ERBB4: variants seen among roughly 807,000 people sequenced by gnomAD.
The protein encoded by ERBB4 is erb-b2 receptor tyrosine kinase 4, also known as receptor tyrosine-protein kinase erbB-4.
ERBB4 carries 42 observed loss-of-function variants against 158.0 expected under a neutral mutation model. The observed-to-expected ratio is 0.27, with a 90% CI of 0.21 to 0.34. The LOEUF (loss-of-function observed/expected upper bound fraction) is 0.34. Among genes scored for constraint, ERBB4 ranks in the 10% least tolerant of loss-of-function variants. The probability of loss-of-function intolerance (pLI) is 1.00; values close to 1 mark genes in which losing one functional copy is unlikely to be tolerated. For missense variants in ERBB4, 1,333 were observed against 1,624.1 expected (o/e 0.82, Z 3.08); for synonymous variants, 583 against 558.7 (o/e 1.04, Z -0.61).
At chr2:212,518,145 C>T (rs1310377136) in intron 1 of ERBB4, among the ~76,000 whole-genome samples, 1 of 151,932 alleles carries the variant, frequency 6.6e-6, no homozygotes. Flanking sequence ...TTTAATTTGA[C>T]CATAAATCAG....
At chr2:212,277,418 C>A (rs566714695) in intron 1 of ERBB4, among the ~76,000 whole-genome samples, 1 of 151,838 alleles carries the variant, frequency 6.6e-6, no homozygotes, top group Admixed American at 6.6e-5. Context: ...CACGATTTCA[C>A]CCCCGAATAA....
At chr2:211,868,713 T>G (rs2078269649) in intron 3 of ERBB4, among the ~76,000 whole-genome samples, 1 of 152,204 alleles carries the variant, frequency 6.6e-6, no homozygotes, top group South Asian at 2.1e-4. Flanking sequence ...TATACCCTGC[T>G]GCTCTATGTT....
intron 1 of ERBB4, among the ~76,000 whole-genome samples, chr2:212,396,969 C>T (rs565895955): frequency 1.3e-5 from 2 of 152,084 alleles, no homozygotes; most frequent in Non-Finnish European, 2.9e-5. Flanking sequence ...TTTCAAAGAA[C>T]AATAAATGTA....
At chr2:211,385,897 T>G (rs2062674699) in intron 27 of ERBB4, among the ~76,000 whole-genome samples, 3 of 152,196 alleles carry the variant, frequency 2.0e-5, no homozygotes, top group Admixed American at 6.5e-5. Context: ...TAGGCTACTA[T>G]GAGCATCCAA....
chr2:212,219,450 TA>T (rs1388996475), intron 1 of ERBB4, among the ~76,000 whole-genome samples: 2 of 151,352 alleles, frequency 1.3e-5, no homozygotes, highest in African/African-American at 4.8e-5. Context: ...TATTATTTAA[TA>T]AAAAATAATA....
chr2:211,522,465 G>A (rs957486963), intron 20 of ERBB4, among the ~76,000 whole-genome samples: 1 of 152,152 alleles, frequency 6.6e-6, no homozygotes, highest in African/African-American at 2.4e-5. Flanking sequence ...TCTTAAGACA[G>A]AATCTACTCA....
intron 3 of ERBB4, among the ~76,000 whole-genome samples, chr2:211,819,961 T>C (rs1162736195): frequency 4.0e-5 from 6 of 151,826 alleles, no homozygotes; most frequent in Non-Finnish European, 8.8e-5. Context: ...AAATAGCAAA[T>C]TTTAGAACAG....
intron 2 of ERBB4, among the ~76,000 whole-genome samples, chr2:212,091,571 T>G (rs577605561): frequency 1.3e-5 from 2 of 152,136 alleles, no homozygotes; most frequent in African/African-American, 4.8e-5. Context: ...GGTGAGATAC[T>G]GTCTCAGGTT....
intron 1 of ERBB4, among the ~76,000 whole-genome samples, chr2:212,514,959 A>G (rs941009828): frequency 4.6e-5 from 7 of 152,240 alleles, no homozygotes; most frequent in African/African-American, 1.7e-4. Flanking sequence ...AGCTTCTTGT[A>G]TGAGGGAAAA....
intron 3 of ERBB4, among the ~76,000 whole-genome samples, chr2:211,838,131 C>T (rs902102675): frequency 1.3e-5 from 2 of 152,038 alleles, no homozygotes; most frequent in African/African-American, 4.8e-5. Context: ...GCTGGTGTCA[C>T]CCTCACTTGT....
intron 16 of ERBB4, among the ~76,000 whole-genome samples, chr2:211,652,553 T>A (rs12996040): frequency 0.69 from 105,247 of 152,058 alleles, 37,851 homozygotes; most frequent in East Asian, 0.99. Flanking sequence ...ATATCATCTC[T>A]CTCATATATC....
chr2:212,494,866 T>C (rs563393560), intron 1 of ERBB4, among the ~76,000 whole-genome samples: 1 of 152,160 alleles, frequency 6.6e-6, no homozygotes, highest in African/African-American at 2.4e-5. Context: ...CTGTTAGTCA[T>C]TAATCCCTAT....
chr2:212,174,245 T>C (rs1270272977), intron 1 of ERBB4, among the ~76,000 whole-genome samples: 1 of 152,104 alleles, frequency 6.6e-6, no homozygotes, highest in African/African-American at 2.4e-5. Context: ...TTTTTCAGCT[T>C]AATGCTATAT....
intron 1 of ERBB4, among the ~76,000 whole-genome samples, chr2:212,183,437 C>T (rs1354157269): frequency 2.0e-5 from 3 of 151,842 alleles, no homozygotes; most frequent in South Asian, 2.1e-4. Context: ...TAGCAATGTT[C>T]CTGGAACTGC....
intron 25 of ERBB4, among the ~76,000 whole-genome samples, chr2:211,401,441 T>C (rs181741161): frequency 1.3e-5 from 2 of 151,846 alleles, no homozygotes; most frequent in Non-Finnish European, 2.9e-5. Flanking sequence ...TAATAAGATA[T>C]ATCTCAGAAT....
At chr2:212,145,728 A>T (rs1315127142) in intron 1 of ERBB4, among the ~76,000 whole-genome samples, 8 of 8,606 alleles carry the variant, frequency 9.3e-4, no homozygotes, top group Non-Finnish European at 2.9e-3. Context: ...AGCATGCAGT[A>T]AAAAAAAAAA....
At chr2:212,233,795 T>C (rs1338479765) in intron 1 of ERBB4, among the ~76,000 whole-genome samples, 8 of 152,038 alleles carry the variant, frequency 5.3e-5, no homozygotes, top group African/African-American at 1.4e-4. Flanking sequence ...CAAAGCCAAG[T>C]TGAGTTGGTA....
chr2:212,513,679 C>T (rs1691654201), intron 1 of ERBB4, among the ~76,000 whole-genome samples: 1 of 152,086 alleles, frequency 6.6e-6, no homozygotes, highest in South Asian at 2.1e-4. Context: ...GGCGTAGTGG[C>T]CAGCGCCTGT....
At chr2:212,498,922 A>G (rs1215789834) in intron 1 of ERBB4, among the ~76,000 whole-genome samples, 1 of 152,052 alleles carries the variant, frequency 6.6e-6, no homozygotes, top group African/African-American at 2.4e-5. Flanking sequence ...CCTAAGCCCT[A>G]TCTTTGAAGA....
Sources: allele counts gnomAD v4.1 joint callset (sites outside exome capture counted in the v4.1 genomes callset), GRCh38; gene constraint gnomAD v4.1.1; transcripts MANE v1.5; gene names NCBI Gene and HGNC (gene_info 2026-07-23, HGNC 2026-07-21).